The following KIAA1328 variants were observed in gnomAD, a reference collection of about 807,000 sequenced individuals.
The protein encoded by KIAA1328 is KIAA1328.
KIAA1328 carries 52 observed loss-of-function variants against 68.1 expected under a neutral mutation model. The observed-to-expected ratio is 0.76, with a 90% CI of 0.61 to 0.96. KIAA1328 has a LOEUF of 0.96. Ranked by LOEUF, KIAA1328 falls within the 40% of genes least tolerant of loss-of-function variation. KIAA1328 has a pLI of 0.00. For missense variants in KIAA1328, 641 were observed against 677.6 expected (o/e 0.95, Z 0.60); for synonymous variants, 232 against 239.4 (o/e 0.97, Z 0.28).
intron 7 of KIAA1328, among the ~76,000 whole-genome samples, chr18:37,083,500 A>G (rs967213847): frequency 6.6e-6 from 1 of 152,220 alleles, no homozygotes. Flanking sequence ...CATATTTGAT[A>G]CCAGTGATTA....
chr18:37,044,380 AG>A (rs1417879681), intron 6 of KIAA1328, among the ~76,000 whole-genome samples: 1 of 152,172 alleles, frequency 6.6e-6, no homozygotes, highest in Non-Finnish European at 1.5e-5. Flanking sequence ...AACGTGGTAA[AG>A]GAAAGGAGTA....
At chr18:37,142,576 A>G (rs935912336) in intron 7 of KIAA1328, among the ~76,000 whole-genome samples, 6 of 152,096 alleles carry the variant, frequency 3.9e-5, no homozygotes, top group Admixed American at 3.9e-4. Context: ...ATTGCCTGAT[A>G]CATTTTCAAA....
intron 6 of KIAA1328, among the ~76,000 whole-genome samples, chr18:36,984,041 G>C (rs1470711917): frequency 6.6e-6 from 1 of 152,088 alleles, no homozygotes; most frequent in African/African-American, 2.4e-5. Flanking sequence ...TTTTTTAGAT[G>C]AAGTCTAACA....
intron 7 of KIAA1328, among the ~76,000 whole-genome samples, chr18:37,110,527 TA>T (rs1198101280): frequency 1.3e-5 from 2 of 152,244 alleles, no homozygotes; most frequent in Admixed American, 6.5e-5. Context: ...AAAAGGTTTT[TA>T]TTTTTAGATA....
chr18:36,905,258 TAC>T (rs767137803), intron 5 of KIAA1328, among the ~76,000 whole-genome samples: 1 of 151,824 alleles, frequency 6.6e-6, no homozygotes, highest in Non-Finnish European at 1.5e-5. Context: ...ACTAGAGGCA[TAC>T]ACCACCATGG....
chr18:36,967,876 A>G (rs2052008070), intron 6 of KIAA1328, among the ~76,000 whole-genome samples: 1 of 152,228 alleles, frequency 6.6e-6, no homozygotes, highest in South Asian at 2.1e-4. Context: ...CAGTCACACA[A>G]CAGTAAAGAA....
chr18:37,093,995 G>C (rs1002385164), intron 7 of KIAA1328, among the ~76,000 whole-genome samples: 2 of 152,236 alleles, frequency 1.3e-5, no homozygotes, highest in Non-Finnish European at 2.9e-5. Flanking sequence ...AATGGCATGA[G>C]GAAATGGTTT....
At chr18:37,119,273 G>T (rs2058205437) in intron 7 of KIAA1328, among the ~76,000 whole-genome samples, 1 of 152,080 alleles carries the variant, frequency 6.6e-6, no homozygotes, top group African/African-American at 2.4e-5. Context: ...AGGAGATAAA[G>T]CTTGAATGAA....
At chr18:37,154,895 C>T (rs998952483) in intron 7 of KIAA1328, among the ~76,000 whole-genome samples, 14 of 152,166 alleles carry the variant, frequency 9.2e-5, no homozygotes, top group African/African-American at 2.9e-4. Flanking sequence ...TGTTGCCTCA[C>T]TTTCTTCCTG....
intron 3 of KIAA1328, among the ~76,000 whole-genome samples, chr18:36,837,128 GC>G (rs2046703494): frequency 6.6e-6 from 1 of 152,092 alleles, no homozygotes; most frequent in Non-Finnish European, 1.5e-5. Flanking sequence ...TAAGTGAATT[GC>G]TGTGTCGTGT....
intron 1 of KIAA1328, among the ~76,000 whole-genome samples, chr18:36,829,960 G>A (rs1271309762): frequency 1.3e-5 from 2 of 152,186 alleles, no homozygotes; most frequent in Admixed American, 1.3e-4. Flanking sequence ...CTTGGAGTAG[G>A]TAGACTCTTC....
At chr18:36,931,388 C>T (rs559758945) in intron 5 of KIAA1328, among the ~76,000 whole-genome samples, 2 of 152,104 alleles carry the variant, frequency 1.3e-5, no homozygotes, top group East Asian at 1.9e-4. Flanking sequence ...GAACTGTACA[C>T]GCGAGGGATC....
At chr18:36,954,687 CTTT>C (rs35883053) in intron 5 of KIAA1328, among the ~76,000 whole-genome samples, 1 of 121,072 alleles carries the variant, frequency 8.3e-6, no homozygotes, top group Non-Finnish European at 1.8e-5. Context: ...AAAGACTTCA[CTTT>C]TTTTTTTTTT....
intron 6 of KIAA1328, among the ~76,000 whole-genome samples, chr18:37,000,279 A>G (rs2053541181): frequency 6.6e-6 from 1 of 152,142 alleles, no homozygotes. Context: ...TTTTATAATC[A>G]TAAAAGGATC....
chr18:37,084,478 T>C lies in KIAA1328; in HGVS notation c.1232+16933T>C, dbSNP rs1437925809. The C allele has an allele frequency of 2.4e-5, 4 of 168,744 alleles. No homozygotes were observed. The East Asian group carries it at 6.5e-4, about 27-fold the overall frequency. The allele number at this position is 168,744 out of a possible 1,614,324, so 10.5% of individuals were successfully genotyped here. ...CTACTATTTCTTTTTTGTTTTTTGT[T>C]TTTTTTTTTTTTTTGGTGCGGTATT... On this transcript the variant is annotated intron_variant, in intron 7 of 9. Coordinates refer to ENST00000280020, the MANE Select transcript of KIAA1328 (RefSeq NM_020776.3).
chr18:36,847,791 C>T (rs1393444993), intron 4 of KIAA1328, among the ~76,000 whole-genome samples: 2 of 151,486 alleles, frequency 1.3e-5, no homozygotes, highest in Non-Finnish European at 3.0e-5. Context: ...TTTTAGTGCT[C>T]TATATATGAA....
At chr18:36,883,951 A>AATATATATATATATATAT in intron 4 of KIAA1328, among the ~76,000 whole-genome samples, 2 of 73,014 alleles carry the variant, frequency 2.7e-5, no homozygotes, top group African/African-American at 9.0e-5. Context: ...ATATTTATAA[A>AATATATATATATATATAT]GTATATATAT....
chr18:37,146,966 G>A (rs1012381234), intron 7 of KIAA1328, among the ~76,000 whole-genome samples: 2 of 152,140 alleles, frequency 1.3e-5, no homozygotes, highest in African/African-American at 4.8e-5. Flanking sequence ...AACTCCCTCA[G>A]GAGTGAGTGA....
intron 5 of KIAA1328, among the ~76,000 whole-genome samples, chr18:36,910,334 A>C: frequency 6.6e-6 from 1 of 152,164 alleles, no homozygotes; most frequent in Admixed American, 6.6e-5. Flanking sequence ...TCAGCTTTCT[A>C]CATATGGCTA....
Sources: gnomAD v4.1 joint callset for allele counts (sites outside exome capture counted in the v4.1 genomes callset) on GRCh38, gnomAD v4.1.1 for gene constraint, MANE v1.5 for transcripts, NCBI Gene and HGNC (gene_info 2026-07-23, HGNC 2026-07-21) for gene names.